The following PSMC1 variants were observed in gnomAD, a reference collection of about 807,000 sequenced individuals.
The protein encoded by PSMC1 is 26S proteasome regulatory subunit 4.
PSMC1 carries 5 observed loss-of-function variants against 49.8 expected under a neutral mutation model. The observed-to-expected ratio is 0.10, with a 90% CI of 0.05 to 0.21. The LOEUF is 0.21. Among genes scored for constraint, PSMC1 ranks in the 10% least tolerant of loss-of-function variants. The probability of loss-of-function intolerance (pLI) is 1.00; values close to 1 mark genes in which losing one functional copy is unlikely to be tolerated. For missense variants in PSMC1, 181 were observed against 535.7 expected (o/e 0.34, Z 6.54); for synonymous variants, 155 against 192.1 (o/e 0.81, Z 1.60).
rs771248222 is a variant in PSMC1, at chr14:90,256,583, A to T, written c.-15A>T. 2 of 1,587,738 alleles carry T rather than the reference A, an allele frequency of 1.3e-6. No individual in the cohort carries two copies. The highest frequency in any genetic ancestry group is 1.7e-6 in the Non-Finnish European group (2 of 1,167,050). On this transcript the variant is annotated 5_prime_UTR_variant, in exon 1 of 11. The change creates a new upstream start codon in the 5' untranslated region. Coordinates refer to ENST00000261303, the MANE Select transcript of PSMC1 (RefSeq NM_002802.3). ...AGGAACTTCCGGCAGCGGCAGCTCA[A>T]GTGGCCAAGGCAAGATGGTGAGTGA...
At position 90,269,445 on chromosome 14, in the gene PSMC1, G is replaced by A; in HGVS notation, c.930G>A (p.Leu310=). The A allele has an allele frequency of 6.2e-7, 1 of 1,611,906 alleles. No homozygotes were observed. Among genetic ancestry groups the A allele is most frequent in the Non-Finnish European group, 8.5e-7 (1 of 1,179,334 alleles). The stretch of plus-strand genomic sequence containing the variant: ...AGAGAGAAATTCAGCGAACAATGTT[G>A]GAACTGCTGAACCAGTTGGATGGAT... The part of the protein sequence containing the change: ...GGEREIQRTM[L]ELLNQLDGFD... The change falls in exon 9 of 11, where the codon TTG becomes TTA. Residue 310 remains leucine, a synonymous_variant. Coordinates refer to ENST00000261303, the MANE Select transcript of PSMC1 (RefSeq NM_002802.3).
At chr14:90,269,924 C>T (rs1891618691) in intron 9 of PSMC1, 1 of 431,562 alleles carries the variant, frequency 2.3e-6, no homozygotes, top group Non-Finnish European at 4.1e-6. Flanking sequence ...GTTTTTAACA[C>T]AATAGGTCTG....
chr14:90,260,003 A>T, intron 2 of PSMC1, 112 bp from the exon 3 acceptor site: 1 of 612,570 alleles, frequency 1.6e-6, no homozygotes, highest in Non-Finnish European at 2.7e-6. Context: ...ACATCCTAAA[A>T]GATAAGGAAA....
chr14:90,256,613 G>A lies in PSMC1; in HGVS notation c.3+13G>A, dbSNP rs1161707269. On this transcript the variant is annotated intron_variant, in intron 1 of 10. Coordinates refer to ENST00000261303, the MANE Select transcript of PSMC1 (RefSeq NM_002802.3). ...CCAAGGCAAGATGGTGAGTGACTAA[G>A]GGTTTCTTTCCGCTGGTCGTCGCGG... 1 of 1,589,194 alleles carries A rather than the reference G, an allele frequency of 6.3e-7. No individual in the cohort carries two copies. The highest frequency in any genetic ancestry group is 8.6e-7 in the Non-Finnish European group (1 of 1,167,602).
Position 90,263,300 on chromosome 14 carries a change from T to C in PSMC1, c.155-18T>C. ...CTTCAGGGTCCACATATAATGAAAC[T>C]TTATATTTAAATTTCAGTGACACCT... On this transcript the variant is annotated intron_variant, in intron 3 of 10. Coordinates refer to ENST00000261303, the MANE Select transcript of PSMC1 (RefSeq NM_002802.3). The C allele has an allele frequency of 6.3e-7, 1 of 1,581,524 alleles. No homozygotes were observed. The highest frequency in any genetic ancestry group is 2.0e-5 in the Admixed American group (1 of 50,720).
chr14:90,265,998 A>G (rs369703411), intron 7 of PSMC1, among the ~76,000 whole-genome samples: 3 of 152,158 alleles, frequency 2.0e-5, no homozygotes, highest in Admixed American at 6.5e-5. Context: ...GCTCATGCCT[A>G]TAATCCTAGC....
chr14:90,264,250 ATGTT>A, intron 6 of PSMC1, 81 bp downstream of exon 6: 1 of 1,562,046 alleles, frequency 6.4e-7, no homozygotes, highest in African/African-American at 1.4e-5. Flanking sequence ...GGTGTTTTGT[ATGTT>A]TGCTTATTTA....
chr14:90,257,185 A>G (rs1454813802), intron 1 of PSMC1, among the ~76,000 whole-genome samples: 1 of 145,754 alleles, frequency 6.9e-6, no homozygotes, highest in Non-Finnish European at 1.5e-5. Context: ...TTCACTAAAC[A>G]AGTATTTACT....
chr14:90,261,866 G>A (rs7152508), intron 3 of PSMC1, among the ~76,000 whole-genome samples: 50,833 of 149,378 alleles, frequency 0.34, 9,462 homozygotes, highest in East Asian at 0.53. Context: ...TGTTTATTGC[G>A]GCACTATTCA....
Position 90,256,609 on chromosome 14 carries a change from C to A in PSMC1, c.3+9C>A. ...GTGGCCAAGGCAAGATGGTGAGTGA[C>A]TAAGGGTTTCTTTCCGCTGGTCGTC... On this transcript the variant is annotated intron_variant, in intron 1 of 10. Coordinates refer to ENST00000261303, the MANE Select transcript of PSMC1 (RefSeq NM_002802.3). 3 of 1,589,302 alleles carry A rather than the reference C, an allele frequency of 1.9e-6. No individual in the cohort carries two copies. The highest frequency in any genetic ancestry group is 1.3e-5 in the African/African-American group (1 of 74,762).
intron 1 of PSMC1, among the ~76,000 whole-genome samples, chr14:90,258,395 G>A (rs951601516): frequency 6.6e-6 from 1 of 152,214 alleles, no homozygotes; most frequent in South Asian, 2.1e-4. Flanking sequence ...ATTTAGAAGT[G>A]CCTGTGTGGA....
intron 1 of PSMC1, among the ~76,000 whole-genome samples, chr14:90,256,830 CAG>C (rs1891303812): frequency 6.6e-6 from 1 of 152,340 alleles, no homozygotes; most frequent in African/African-American, 2.4e-5. Context: ...GGGCTCAGAG[CAG>C]AGAGAGGGTC....
intron 9 of PSMC1, chr14:90,269,912 A>G: frequency 2.5e-6 from 1 of 395,918 alleles, no homozygotes; most frequent in African/African-American, 2.0e-5. Context: ...GTCTTTTGTA[A>G]TGTTTTTAAC....
chr14:90,270,659 G>T, intron 10 of PSMC1: 1 of 239,864 alleles, frequency 4.2e-6, no homozygotes, highest in Non-Finnish European at 8.1e-6. Context: ...TCCCAGGTCA[G>T]GGGAAGGGTA....
rs71117333 is a variant in PSMC1, at chr14:90,274,546, G to GTATT, written c.*2140_*2143dup. The GTATT allele has an allele frequency of 0.32, 48,334 of 151,622 alleles. 8,917 individuals are homozygous for GTATT. Among genetic ancestry groups the GTATT allele is most frequent in the East Asian group, 0.51 (2,598 of 5,096 alleles). 9.4% of individuals were successfully genotyped at this position (151,622 alleles called of 1,614,324 possible). On this transcript the variant is annotated 3_prime_UTR_variant, in exon 11 of 11. Transcript: ENST00000261303. ...TAGACCCAGACCTTTGCTGCTAAAA[G>GTATT]TATTATTCTCCACTAAAAGGAGTGA... is the stretch of plus-strand genomic sequence containing the variant.
chr14:90,259,419 A>G (rs946594129), intron 2 of PSMC1, among the ~76,000 whole-genome samples: 2 of 152,196 alleles, frequency 1.3e-5, no homozygotes, highest in African/African-American at 4.8e-5. Context: ...GGTATTTATG[A>G]GTTATTTATT....
In PSMC1 at chr14:90,272,367, A is replaced by T; in HGVS notation, c.1283A>T (p.Tyr428Phe). 5 of 1,594,940 alleles carry T rather than the reference A, an allele frequency of 3.1e-6. No individual in the cohort carries two copies. The highest frequency in any genetic ancestry group is 4.3e-6 in the Non-Finnish European group (5 of 1,171,914). Residue 428 changes from tyrosine (Y) to phenylalanine (F), a missense_variant, in exon 11 of 11, where the codon TAT becomes TTT. Physicochemically the swap from Tyr to Phe is conservative, Grantham distance 22. Coordinates refer to ENST00000261303, the MANE Select transcript of PSMC1 (RefSeq NM_002802.3). This position sits in a 1 kb window ranked among gnomAD's most constrained non-coding sequence, Gnocchi z 4.5. The stretch of plus-strand genomic sequence containing the variant: ...AAAAAATCTAAAGAAAATGTTCTTT[A>T]TAAGAAACAGGAAGGCACCCCTGAG... ...DFKKSKENVL[Y>F]KKQEGTPEGL...
At chr14:90,269,683 A>C (rs1172924703) in intron 9 of PSMC1, 135 bp downstream of exon 9, 1 of 979,826 alleles carries the variant, frequency 1.0e-6, no homozygotes, top group Non-Finnish European at 1.5e-6. Flanking sequence ...TTACAAAAAA[A>C]TAGGTCCTCT....
Position 90,260,186 on chromosome 14 carries a change from A to G in PSMC1, c.129A>G (p.Pro43=), listed in dbSNP as rs1891370135. Reference sequence around the variant, plus strand: ...AAAAGAAGAAGAAAACAAAGGGACCAGATGCTGCCAGCAAACTGCCACTGG... The same window carrying G: ...AAAAGAAGAAGAAAACAAAGGGACCGGATGCTGCCAGCAAACTGCCACTGG... The part of the protein sequence containing the change: ...VGKKKKKTKG[P]DAASKLPLVT... The change falls in exon 3 of 11, where the codon CCA becomes CCG. Residue 43 remains proline, a synonymous_variant. Coordinates refer to ENST00000261303, the MANE Select transcript of PSMC1 (RefSeq NM_002802.3). 3 of 1,611,646 alleles carry G rather than the reference A, an allele frequency of 1.9e-6. No homozygotes were observed. The highest frequency in any genetic ancestry group is 2.5e-6 in the Non-Finnish European group (3 of 1,178,430).
Sources: allele counts gnomAD v4.1 joint callset (sites outside exome capture counted in the v4.1 genomes callset), GRCh38; gene constraint gnomAD v4.1.1; non-coding constraint Gnocchi (gnomAD v3.1); transcripts MANE v1.5; gene names NCBI Gene and HGNC (gene_info 2026-07-23, HGNC 2026-07-21).